Variants in DOC2A observed in about 807,000 individuals in gnomAD.
DOC2A encodes double C2 domain alpha.
Under a neutral mutation model 40.6 loss-of-function variants are expected in DOC2A, and 28 were observed. The ratio of observed to expected loss-of-function variants is 0.69; its 90% CI spans 0.51 to 0.95. The LOEUF (loss-of-function observed/expected upper bound fraction) is 0.95, where lower values mean the gene tolerates loss of function less well. DOC2A is among the 40% of genes least tolerant of loss of function. DOC2A has a pLI of 0.00. For missense variants in DOC2A, 474 were observed against 552.5 expected, an observed-to-expected ratio of 0.86 and a Z score of 1.42; for synonymous variants, 241 against 236.9, an observed-to-expected ratio of 1.02 and a Z score of -0.16.
Position 30,006,685 on chromosome 16 carries a change from T to TG in DOC2A, c.879-9dup, listed in dbSNP as rs532922507. 1.2e-6 allele frequency: 2 copies of TG among 1,611,892 alleles called. No homozygotes were observed. Among genetic ancestry groups the TG allele is most frequent in the African/African-American group, 1.3e-5 (1 of 74,108 alleles). On this transcript the variant is annotated splice_polypyrimidine_tract_variant and intron_variant, in intron 8 of 10. Coordinates refer to ENST00000350119, the MANE Select transcript of DOC2A (RefSeq NM_003586.3). This position sits in a 1 kb window ranked among gnomAD's most constrained non-coding sequence, Gnocchi z 6.2. ...ACATCGGGCCTCAGGTACCTGGGGG[T>TG]GGGGTGGAGGGAGACGAACTGAGGG... is the stretch of plus-strand genomic sequence containing the variant.
upstream of DOC2A, among the ~76,000 whole-genome samples, chr16:30,015,568 C>G (rs2070846028): frequency 6.6e-6 from 1 of 152,014 alleles, no homozygotes; most frequent in East Asian, 1.9e-4. Flanking sequence ...CCGCCTGCCT[C>G]GGCCTCCCAA....
At chr16:30,022,122 C>T (rs993077015), upstream of DOC2A, among the ~76,000 whole-genome samples, 3 of 151,638 alleles carry the variant, frequency 2.0e-5, no homozygotes, top group Non-Finnish European at 4.4e-5. Context: ...TGATGGTGCG[C>T]GCCTGTAATC....
Position 30,005,950 on chromosome 16 carries a change from A to C in DOC2A, c.*236T>G. The C allele has an allele frequency of 1.7e-6, 1 of 591,750 alleles. No homozygotes were observed. 36.7% of individuals were successfully genotyped at this position (591,750 alleles called of 1,614,324 possible). ...GGCTCTGAGCACTGCCCGGGTGTGC[A>C]GATGATGGGGGGTTTGCATATTTGC... On this transcript the variant is annotated 3_prime_UTR_variant, in exon 11 of 11. Transcript: ENST00000350119.
chr16:30,017,308 A>G (rs1483347180), upstream of DOC2A, among the ~76,000 whole-genome samples: 1 of 152,016 alleles, frequency 6.6e-6, no homozygotes, highest in Admixed American at 6.6e-5. Flanking sequence ...AAAAGAAAGA[A>G]AGAAATCATT....
At chr16:30,007,833 T>C (rs1227222686) in intron 5 of DOC2A, 3 of 213,276 alleles carry the variant, frequency 1.4e-5, no homozygotes, top group Admixed American at 5.2e-5. Context: ...GCATGGAGGA[T>C]GGGCAGATCC....
upstream of DOC2A, chr16:30,011,230 G>A (rs1193454602): frequency 1.0e-5 from 8 of 796,284 alleles, no homozygotes; most frequent in African/African-American, 9.5e-5. Flanking sequence ...ACACACTCGT[G>A]TGCACACATC....
chr16:30,020,604 A>T (rs2070898151), intron 1 of DOC2A, among the ~76,000 whole-genome samples: 2 of 152,030 alleles, frequency 1.3e-5, no homozygotes, highest in Admixed American at 6.6e-5. Context: ...GCACTTTAGG[A>T]GGCCGCGGAG....
intron 1 of DOC2A, among the ~76,000 whole-genome samples, chr16:30,020,663 T>C (rs897706645): frequency 1.3e-5 from 2 of 152,016 alleles, no homozygotes; most frequent in Non-Finnish European, 2.9e-5. Context: ...GCCAACATGA[T>C]GAAATTCCGT....
chr16:30,007,420 TGGCACTTGAGAA>T, intron 5 of DOC2A, 121 bp from the exon 6 acceptor site: 1 of 1,426,496 alleles, frequency 7.0e-7, no homozygotes, highest in Non-Finnish European at 9.7e-7. Flanking sequence ...GAAGACAGGC[TGGCACTTGAGAA>T]GGACAAGCAG....
At chr16:30,017,829 A>C (rs1037720066) in intron 1 of DOC2A, among the ~76,000 whole-genome samples, 1 of 151,746 alleles carries the variant, frequency 6.6e-6, no homozygotes, top group African/African-American at 2.4e-5. Flanking sequence ...GCTTGGTGGC[A>C]TGCGTCTGTA....
At chr16:30,022,005 T>A (rs1247169085), upstream of DOC2A, among the ~76,000 whole-genome samples, 1 of 151,396 alleles carries the variant, frequency 6.6e-6, no homozygotes, top group Non-Finnish European at 1.5e-5. Context: ...TCCCAACACT[T>A]TGGGAGGCCG....
rs1367128367 is a variant in DOC2A at position 30,007,021 on chromosome 16, G to A, written c.714+10C>T. ...CCCACATGCATCCCCATCCCCATGAGGTGCCTCACCTCCTTCAGATAACAG... is the reference window on the plus strand; with the variant it reads ...CCCACATGCATCCCCATCCCCATGAAGTGCCTCACCTCCTTCAGATAACAG... On this transcript the variant is annotated intron_variant, in intron 7 of 10. Coordinates refer to ENST00000350119, the MANE Select transcript of DOC2A (RefSeq NM_003586.3). 3.7e-6 allele frequency: 6 copies of A among 1,613,860 alleles called. No individual in the cohort carries two copies. The Admixed American group carries it at 8.3e-5, about 22-fold the overall frequency.
At position 30,006,226 on chromosome 16, in the gene DOC2A, C is replaced by G; in HGVS notation, c.1163G>C (p.Ser388Thr). The G allele has an allele frequency of 1.3e-6, 2 of 1,591,914 alleles. No individual in the cohort carries two copies. Among genetic ancestry groups the G allele is most frequent in the Non-Finnish European group, 1.7e-6 (2 of 1,170,568 alleles). Residue 388 changes from serine (S) to threonine (T), a missense_variant, in exon 11 of 11, where the codon AGT becomes ACT. Coordinates refer to ENST00000350119, the MANE Select transcript of DOC2A (RefSeq NM_003586.3). This position sits in a 1 kb window ranked among gnomAD's most constrained non-coding sequence, Gnocchi z 6.2. ...AGCCCCGGCCGCAGGGGGCAGCTCA[C>G]TGGTCAGGGTGTGCCAGCGCTCCAG... ...AALERWHTLT[S>T]ELPPAAGALS...
At position 30,009,950 on chromosome 16, in the gene DOC2A, C is replaced by T; in HGVS notation, c.262+11G>A. The T allele has an allele frequency of 6.2e-7, 1 of 1,611,064 alleles. No homozygotes were observed. Among genetic ancestry groups the T allele is most frequent in the African/African-American group, 1.3e-5 (1 of 74,940 alleles). On this transcript the variant is annotated intron_variant, in intron 2 of 10. Transcript: ENST00000350119. This position sits in a 1 kb window ranked among gnomAD's most constrained non-coding sequence, Gnocchi z 4.1. ...CACCAGCACATGGGGCCTCCAAGCC[C>T]CCAGACTCACTGGCATCATCCGAGT...
Position 30,007,088 on chromosome 16 carries a change from C to T in DOC2A, c.657G>A (p.Leu219=), listed in dbSNP as rs552708306. 2 of 1,613,924 alleles carry T rather than the reference C, an allele frequency of 1.2e-6. No homozygotes were observed. The highest frequency in any genetic ancestry group is 2.7e-5 in the African/African-American group (2 of 75,008). Residue 219 remains leucine, a splice_region_variant and synonymous_variant, in exon 7 of 11, where the codon CTG becomes CTA. Coordinates refer to ENST00000350119, the MANE Select transcript of DOC2A (RefSeq NM_003586.3). ...FNICLERQVP[L]ASPSSMSAAL... ...CCGCTGACATGGAAGAGGGGGACGC[C>T]AGCTGAGGGGGCAAAGAGAAGGTTC...
At chr16:30,014,172 C>CTTTTTTTTT (rs772684029), upstream of DOC2A, among the ~76,000 whole-genome samples, 1 of 131,886 alleles carries the variant, frequency 7.6e-6, no homozygotes, top group Non-Finnish European at 1.6e-5. Context: ...TTAGAATCAT[C>CTTTTTTTTT]TTTTTTTTTT....
At chr16:30,016,803 G>A (rs565230340), upstream of DOC2A, among the ~76,000 whole-genome samples, 151 of 152,302 alleles carry the variant, frequency 9.9e-4, 1 homozygote, top group African/African-American at 3.6e-3. Flanking sequence ...TGACTTCACA[G>A]CCTCATAGGG....
chr16:30,018,279 C>CAAA (rs59765302), intron 1 of DOC2A, among the ~76,000 whole-genome samples: 3 of 119,170 alleles, frequency 2.5e-5, no homozygotes, highest in East Asian at 2.4e-4. Context: ...GATGCTGTCT[C>CAAA]AAAAAAAAAA....
At position 30,006,535 on chromosome 16, in the gene DOC2A, C is replaced by G; in HGVS notation, c.961-26G>C. 6.2e-7 allele frequency: 1 copy of G among 1,613,488 alleles called. No individual in the cohort carries two copies. The highest frequency in any genetic ancestry group is 1.1e-5 in the South Asian group (1 of 91,026). ...CTAGGGACAAGGCCGGCCACCCGTTCGTGAGCCAGCTCCCCAGCCCCTCCC... is the reference window on the plus strand; with the variant it reads ...CTAGGGACAAGGCCGGCCACCCGTTGGTGAGCCAGCTCCCCAGCCCCTCCC... On this transcript the variant is annotated intron_variant, in intron 9 of 10. Coordinates refer to ENST00000350119, the MANE Select transcript of DOC2A (RefSeq NM_003586.3). This position sits in a 1 kb window ranked among gnomAD's most constrained non-coding sequence, Gnocchi z 6.2.
Sources: allele counts gnomAD v4.1 joint callset (sites outside exome capture counted in the v4.1 genomes callset), GRCh38; gene constraint gnomAD v4.1.1; non-coding constraint Gnocchi (gnomAD v3.1); transcripts MANE v1.5; gene names NCBI Gene and HGNC (gene_info 2026-07-23, HGNC 2026-07-21).